PLS3: variants seen among roughly 807,000 people sequenced by gnomAD.
PLS3 encodes plastin-3.
PLS3 carries 11 observed loss-of-function variants against 46.5 expected under a neutral mutation model. The observed-to-expected ratio is 0.24, with a 90% CI of 0.15 to 0.39. The LOEUF (loss-of-function observed/expected upper bound fraction) is 0.39. Ranked by LOEUF, PLS3 falls within the 10% of genes least tolerant of loss-of-function variation. The pLI is 1.00. For missense variants in PLS3, 308 were observed against 461.8 expected, an observed-to-expected ratio of 0.67 and a Z score of 3.05; for synonymous variants, 167 against 162.2, an observed-to-expected ratio of 1.03 and a Z score of -0.22.
chrX:115,584,896 G>A (rs1293684182), intron 1 of PLS3, among the ~76,000 whole-genome samples: 1 of 111,786 alleles, frequency 8.9e-6, no homozygotes, highest in Non-Finnish European at 1.9e-5. Flanking sequence ...TAAGATGATG[G>A]GTTGTGGTGG....
intron 1 of PLS3, among the ~76,000 whole-genome samples, chrX:115,596,425 C>T (rs1329063648): frequency 1.8e-5 from 2 of 111,301 alleles, no homozygotes; most frequent in African/African-American, 6.5e-5. Flanking sequence ...CTCACAGGCT[C>T]GTGGAGGAGA....
rs782306814 is a variant in PLS3 at position 115,649,778 on chromosome X, G to A, written c.*217G>A. Reference sequence around the variant, plus strand: ...AGTCAGAGTTGAATTTGTCAGGCACGCCTGAAATGTGCTCATAGCCAAAAC... The same window carrying A: ...AGTCAGAGTTGAATTTGTCAGGCACACCTGAAATGTGCTCATAGCCAAAAC... On this transcript the variant is annotated 3_prime_UTR_variant, in exon 16 of 16. Transcript: ENST00000355899. The A allele has an allele frequency of 1.3e-5, 4 of 301,523 alleles. No individual in the cohort carries two copies. The highest frequency in any genetic ancestry group is 7.8e-5 in the African/African-American group (3 of 38,312). 24.8% of individuals were successfully genotyped at this position (301,523 alleles called of 1,213,427 possible).
intron 1 of PLS3, among the ~76,000 whole-genome samples, chrX:115,570,256 C>T (rs2074204603): frequency 9.0e-6 from 1 of 110,867 alleles, no homozygotes; most frequent in African/African-American, 3.3e-5. Context: ...TTTTATATCT[C>T]TGTGGCATTG....
intron 2 of PLS3, among the ~76,000 whole-genome samples, chrX:115,621,723 G>A (rs2074657387): frequency 9.0e-6 from 1 of 111,673 alleles, no homozygotes; most frequent in Non-Finnish European, 1.9e-5. Flanking sequence ...CTCTATATTT[G>A]TCTTGAATTA....
intron 1 of PLS3, among the ~76,000 whole-genome samples, chrX:115,586,310 G>T (rs1013031185): frequency 4.7e-5 from 5 of 106,848 alleles, no homozygotes; most frequent in Admixed American, 2.0e-4. Flanking sequence ...TGCTGTGTAT[G>T]AGTAGGATGT....
chrX:115,590,798 C>T (rs1481496461), intron 1 of PLS3, among the ~76,000 whole-genome samples: 1 of 108,723 alleles, frequency 9.2e-6, no homozygotes, highest in Non-Finnish European at 1.9e-5. Flanking sequence ...CCAACCTGGG[C>T]GACAGAGCGA....
chrX:115,573,144 A>T (rs1392002064), intron 1 of PLS3, among the ~76,000 whole-genome samples: 2 of 111,084 alleles, frequency 1.8e-5, no homozygotes, highest in Non-Finnish European at 3.8e-5. Context: ...AAAGAAAATG[A>T]ATTTAAATAC....
In PLS3 at chrX:115,634,009, T is replaced by C. The variant is rs1484549680; in HGVS notation, c.510T>C (p.Ile170=). The C allele has an allele frequency of 4.4e-6, 5 of 1,124,314 alleles. No homozygotes were observed. In the East Asian group the frequency reaches 1.2e-4, roughly 27 times the overall value. 92.7% of individuals were successfully genotyped at this position (1,124,314 alleles called of 1,213,427 possible). Residue 170 remains isoleucine, a synonymous_variant, in exon 6 of 16, where the codon ATT becomes ATC. Coordinates refer to ENST00000355899, the MANE Select transcript of PLS3 (RefSeq NM_005032.7). ...TAAATTTTTGTTTCAGTAAAATGAT[T>C]AACCTTTCAGTTCCTGATACCATTG... ...VGDGIVLCKM[I]NLSVPDTIDE...
chrX:115,628,547 A>T (rs1556638790), intron 3 of PLS3, among the ~76,000 whole-genome samples: 3 of 111,017 alleles, frequency 2.7e-5, no homozygotes, highest in African/African-American at 1.0e-4. Context: ...CAGTACTAGG[A>T]TGTGAAACTT....
chrX:115,598,811 AAAGT>A (rs2074413673), intron 1 of PLS3, among the ~76,000 whole-genome samples: 1 of 111,912 alleles, frequency 8.9e-6, no homozygotes, highest in African/African-American at 3.2e-5. Flanking sequence ...GTCATAGGAG[AAAGT>A]AAGCGTTTGT....
At chrX:115,630,225 T>C (rs1277858521) in intron 5 of PLS3, among the ~76,000 whole-genome samples, 3 of 111,350 alleles carry the variant, frequency 2.7e-5, no homozygotes, top group African/African-American at 9.8e-5. Flanking sequence ...ATTACAACTT[T>C]GTTGAACTTA....
intron 2 of PLS3, among the ~76,000 whole-genome samples, chrX:115,621,432 A>G (rs977737294): frequency 8.9e-6 from 1 of 112,596 alleles, no homozygotes; most frequent in Non-Finnish European, 1.9e-5. Context: ...GGAACAGAAG[A>G]TATTTGAAAT....
intron 9 of PLS3, 141 bp from the exon 10 acceptor site, chrX:115,643,172 T>C (rs2074915543): frequency 2.3e-6 from 1 of 439,166 alleles, no homozygotes; most frequent in Non-Finnish European, 3.9e-6. Context: ...ACCTTTTTTT[T>C]TGCATTCAAA....
intron 2 of PLS3, among the ~76,000 whole-genome samples, chrX:115,615,768 A>T (rs1191380054): frequency 1.8e-5 from 2 of 111,583 alleles, no homozygotes; most frequent in African/African-American, 6.5e-5. Context: ...GCTTCTCCTT[A>T]ATGTCCAGCC....
At chrX:115,579,358 A>G (rs887785323) in intron 1 of PLS3, among the ~76,000 whole-genome samples, 10 of 112,250 alleles carry the variant, frequency 8.9e-5, no homozygotes, top group Non-Finnish European at 1.5e-4. Context: ...TAGTTATCAC[A>G]AGTATTTGTA....
chrX:115,596,018 T>C (rs1373125973), intron 1 of PLS3, among the ~76,000 whole-genome samples: 6 of 111,928 alleles, frequency 5.4e-5, no homozygotes, highest in African/African-American at 1.9e-4. Context: ...ATGTGCTGCT[T>C]GAATGCCAAA....
chrX:115,574,283 A>T (rs1194481496), intron 1 of PLS3, among the ~76,000 whole-genome samples: 1 of 111,938 alleles, frequency 8.9e-6, no homozygotes, highest in Non-Finnish European at 1.9e-5. Context: ...TGAAACATGG[A>T]TGGCCATAAA....
At chrX:115,616,930 G>A (rs1425506592) in intron 2 of PLS3, among the ~76,000 whole-genome samples, 3 of 111,813 alleles carry the variant, frequency 2.7e-5, no homozygotes, top group Non-Finnish European at 5.6e-5. Flanking sequence ...AACACTGGGG[G>A]CTAAACTATG....
intron 1 of PLS3, among the ~76,000 whole-genome samples, chrX:115,597,024 A>G (rs1378342003): frequency 1.8e-5 from 2 of 108,188 alleles, no homozygotes; most frequent in African/African-American, 3.4e-5. Flanking sequence ...GGGCGCCTGT[A>G]ATCCCAGCTA....
Sources: gnomAD v4.1 joint callset for allele counts (sites outside exome capture counted in the v4.1 genomes callset) on GRCh38, gnomAD v4.1.1 for gene constraint, MANE v1.5 for transcripts, NCBI Gene and HGNC (gene_info 2026-07-23, HGNC 2026-07-21) for gene names.